Variants in PPP4R2 observed in about 807,000 individuals in gnomAD.
The protein encoded by PPP4R2 is serine/threonine-protein phosphatase 4 regulatory subunit 2.
A neutral mutation model predicts 47.2 loss-of-function variants in PPP4R2; 13 were observed. The ratio of observed to expected loss-of-function variants is 0.28; its 90% CI spans 0.18 to 0.44. The LOEUF is 0.44. PPP4R2 is among the 20% of genes least tolerant of loss of function. PPP4R2 has a pLI of 1.00. For missense variants in PPP4R2, 421 were observed against 491.2 expected (o/e 0.86, Z 1.35); for synonymous variants, 151 against 163.3 (o/e 0.92, Z 0.57).
In PPP4R2 at chr3:73,065,675, G is replaced by C; in HGVS notation, c.1207G>C (p.Asp403His). Residue 403 changes from aspartate to histidine, a missense_variant, in exon 9 of 9, where the codon GAT becomes CAT. Transcript: ENST00000356692. ...EILSESSMEN[D>H]DEATEVTDEP... Reference sequence around the variant, plus strand: ...TCTTTCAGAATCATCCATGGAAAATGATGACGAAGCCACAGAAGTCACCGA... The same window carrying C: ...TCTTTCAGAATCATCCATGGAAAATCATGACGAAGCCACAGAAGTCACCGA... The C allele has an allele frequency of 6.2e-7, 1 of 1,610,260 alleles. No individual in the cohort carries two copies. Among genetic ancestry groups the C allele is most frequent in the Non-Finnish European group, 8.5e-7 (1 of 1,176,952 alleles).
intron 2 of PPP4R2, among the ~76,000 whole-genome samples, chr3:73,021,681 A>T (rs1701962039): frequency 1.3e-5 from 2 of 152,074 alleles, no homozygotes; most frequent in African/African-American, 2.4e-5. Flanking sequence ...GTTTGCTCAC[A>T]TTCCTTCTCA....
rs148428686 is a variant in PPP4R2 at position 73,041,974 on chromosome 3, T to C, written c.117-5212T>C. Among the ~76,000 whole-genome samples the C allele has an allele frequency of 5.3e-5, 8 of 152,270 alleles. No individual in the cohort carries two copies. In the East Asian group the frequency reaches 7.7e-4, roughly 15 times the overall value. On this transcript the variant is annotated intron_variant, in intron 2 of 8. Transcript: ENST00000356692. The stretch of plus-strand genomic sequence containing the variant: ...CACCAGGATATATTTATTAGAGATA[T>C]GAATTGTACTTTCCTACAGGAGAAA...
chr3:73,056,415 G>C (rs186032782), intron 3 of PPP4R2, among the ~76,000 whole-genome samples: 1 of 152,174 alleles, frequency 6.6e-6, no homozygotes, highest in African/African-American at 2.4e-5. Flanking sequence ...AAGTTTAAAA[G>C]TACAGTCTGT....
intron 2 of PPP4R2, 115 bp from the exon 3 acceptor site, chr3:73,047,071 A>G (rs1392268251): frequency 1.7e-6 from 1 of 605,380 alleles, no homozygotes; most frequent in Non-Finnish European, 2.8e-6. Context: ...ATTACTAATT[A>G]TTCACATCTT....
intron 2 of PPP4R2, among the ~76,000 whole-genome samples, chr3:73,004,147 T>C (rs772786213): frequency 1.3e-5 from 2 of 151,864 alleles, no homozygotes; most frequent in Admixed American, 6.6e-5. Flanking sequence ...GGAGTTCTTA[T>C]GTGTATGTCT....
chr3:73,010,010 G>C (rs571185234), intron 2 of PPP4R2, among the ~76,000 whole-genome samples: 1 of 152,012 alleles, frequency 6.6e-6, no homozygotes, highest in Admixed American at 6.6e-5. Context: ...CATCCCTATC[G>C]GATACCTTGG....
At chr3:73,042,609 C>T (rs1220824299) in intron 2 of PPP4R2, among the ~76,000 whole-genome samples, 3 of 151,976 alleles carry the variant, frequency 2.0e-5, no homozygotes, top group East Asian at 3.9e-4. Flanking sequence ...GTGATAAGCC[C>T]GCCTCGGCCT....
At chr3:73,034,367 C>T (rs528590323) in intron 2 of PPP4R2, among the ~76,000 whole-genome samples, 3 of 152,296 alleles carry the variant, frequency 2.0e-5, no homozygotes, top group East Asian at 1.9e-4. Context: ...CCAGGTAACG[C>T]AGAACACTTG....
At chr3:73,019,753 A>G (rs186039445) in intron 2 of PPP4R2, among the ~76,000 whole-genome samples, 1 of 152,096 alleles carries the variant, frequency 6.6e-6, no homozygotes, top group Admixed American at 6.5e-5. Flanking sequence ...AGTGGGTGAA[A>G]GTGTATTCTG....
chr3:73,045,022 C>T (rs1456653010), intron 2 of PPP4R2, among the ~76,000 whole-genome samples: 2 of 152,178 alleles, frequency 1.3e-5, no homozygotes, highest in Non-Finnish European at 2.9e-5. Flanking sequence ...GAGACAGGGT[C>T]TTGCTCTGTC....
chr3:73,044,382 C>T (rs780596911), intron 2 of PPP4R2, among the ~76,000 whole-genome samples: 10 of 152,036 alleles, frequency 6.6e-5, no homozygotes, highest in Non-Finnish European at 1.3e-4. Flanking sequence ...GTCAGGAGTT[C>T]GAGACCAGCC....
At chr3:73,061,413 T>A (rs1244833406) in intron 5 of PPP4R2, 1 of 159,096 alleles carries the variant, frequency 6.3e-6, no homozygotes. Flanking sequence ...ACTTGATGGC[T>A]TTTCTCTTTA....
At chr3:72,998,995 A>G (rs1276626203) in intron 2 of PPP4R2, among the ~76,000 whole-genome samples, 1 of 152,234 alleles carries the variant, frequency 6.6e-6, no homozygotes, top group South Asian at 2.1e-4. Flanking sequence ...CAAGAATTGT[A>G]TAATTTCTCT....
At chr3:73,052,872 T>C (rs764095498) in intron 3 of PPP4R2, among the ~76,000 whole-genome samples, 1 of 152,252 alleles carries the variant, frequency 6.6e-6, no homozygotes, top group Non-Finnish European at 1.5e-5. Context: ...ATATCATCTG[T>C]TAAGCAGGTA....
intron 3 of PPP4R2, among the ~76,000 whole-genome samples, chr3:73,055,735 C>CA (rs1490060061): frequency 1.3e-5 from 2 of 150,726 alleles, no homozygotes; most frequent in South Asian, 2.1e-4. Context: ...AATCTCGACT[C>CA]ACTGCAACTT....
chr3:73,046,028 A>T (rs1350260156), intron 2 of PPP4R2, among the ~76,000 whole-genome samples: 2 of 152,226 alleles, frequency 1.3e-5, no homozygotes, highest in Admixed American at 6.5e-5. Flanking sequence ...ATTTAATGAA[A>T]TTAGTAATTT....
intron 3 of PPP4R2, among the ~76,000 whole-genome samples, chr3:73,054,945 C>A (rs560379795): frequency 1.1e-4 from 17 of 152,078 alleles, no homozygotes; most frequent in African/African-American, 3.6e-4. Flanking sequence ...ATGTCTTTCC[C>A]TGATATTCAG....
rs78573060 is a variant in PPP4R2, at chr3:73,000,755, T to C, written c.116+2597T>C. ...TTCTGGCCACTTCAAAAAATTGTTT[T>C]TATGTTGGAAAGAATACACTCTTCT... is the stretch of plus-strand genomic sequence containing the variant. On this transcript the variant is annotated intron_variant, in intron 2 of 8. Coordinates refer to ENST00000356692, the MANE Select transcript of PPP4R2 (RefSeq NM_174907.4). Among the ~76,000 whole-genome samples the C allele has an allele frequency of 7.8e-4, 119 of 152,322 alleles. 1 individual carries two copies. In the East Asian group the frequency reaches 0.022, roughly 28 times the overall value.
intron 4 of PPP4R2, among the ~76,000 whole-genome samples, chr3:73,060,642 G>A (rs1702835393): frequency 6.6e-6 from 1 of 152,170 alleles, no homozygotes; most frequent in African/African-American, 2.4e-5. Context: ...GCCGTGGATT[G>A]GGTGTTGCTT....
Sources: gnomAD v4.1 joint callset for allele counts (sites outside exome capture counted in the v4.1 genomes callset) on GRCh38, gnomAD v4.1.1 for gene constraint, MANE v1.5 for transcripts, NCBI Gene and HGNC (gene_info 2026-07-23, HGNC 2026-07-21) for gene names.